ARAP1: variants seen among roughly 807,000 people sequenced by gnomAD.
ARAP1 encodes arf-GAP with Rho-GAP domain, ANK repeat and PH domain-containing protein 1.
In ARAP1, 76 loss-of-function variants were observed where a neutral mutation model predicts 172.2. That is an observed-to-expected ratio of 0.44 (90% CI 0.37 to 0.53). The LOEUF (loss-of-function observed/expected upper bound fraction) is 0.53. ARAP1 is among the 20% of genes least tolerant of loss of function. The pLI is 0.00. For missense variants in ARAP1, 1,686 were observed against 1,977.5 expected (o/e 0.85, Z 2.80); for synonymous variants, 804 against 803.3 (o/e 1.00, Z -0.01).
intron 3 of ARAP1, chr11:72,722,259 A>C: frequency 7.1e-6 from 7 of 985,534 alleles, no homozygotes; most frequent in Non-Finnish European, 8.4e-6. Flanking sequence ...GTCTGCACCC[A>C]GCTCTGGTCT....
At position 72,686,121 on chromosome 11, in the gene ARAP1, C is replaced by A; in HGVS notation, c.4256G>T (p.Ser1419Ile). 1.2e-6 allele frequency: 2 copies of A among 1,614,056 alleles called. No homozygotes were observed. The highest frequency in any genetic ancestry group is 1.7e-6 in the Non-Finnish European group (2 of 1,180,042). Residue 1419 changes from serine (S) to isoleucine (I), a missense_variant, in exon 34 of 35, where the codon AGT (serine) becomes ATT (isoleucine). Coordinates refer to ENST00000393609, the MANE Select transcript of ARAP1 (RefSeq NM_001040118.3). The stretch of plus-strand genomic sequence containing the variant: ...ACCTCGAAGGGGGATCAGTGACACA[C>A]TACCCAGCCGGACCTCAGGCACTGC... ...SRAVPEVRLGSVSLIPLRGSE... is the reference protein window; with the variant it reads ...SRAVPEVRLGIVSLIPLRGSE...
Position 72,686,028 on chromosome 11 carries a change from G to A in ARAP1, c.4335+14C>T. On this transcript the variant is annotated intron_variant, in intron 34 of 34. Coordinates refer to ENST00000393609, the MANE Select transcript of ARAP1 (RefSeq NM_001040118.3). ...CCCCCAGCCCCCTGCCCAAAGGCAT[G>A]GAGAGCCACTCACAGACAGAGGGTC... 6.2e-7 allele frequency: 1 copy of A among 1,613,986 alleles called. No homozygotes were observed. Among genetic ancestry groups the A allele is most frequent in the Non-Finnish European group, 8.5e-7 (1 of 1,180,010 alleles).
rs1012341871 is a variant in ARAP1, at chr11:72,702,789, A to G, written c.2167+116T>C. On this transcript the variant is annotated intron_variant, in intron 15 of 34. Coordinates refer to ENST00000393609, the MANE Select transcript of ARAP1 (RefSeq NM_001040118.3). ...CAAACCCAAGCACACCCCAGCTCAC[A>G]CATGATTTATCACAGGCCCTTGAGG... 7.6e-6 allele frequency: 10 copies of G among 1,323,428 alleles called. No homozygotes were observed. In the Admixed American group the frequency reaches 2.5e-4, roughly 33 times the overall value. The allele number at this position is 1,323,428 out of a possible 1,614,324, so 82.0% of individuals were successfully genotyped here. A position where few individuals can be genotyped will look rare whatever the true frequency, so the allele number is the denominator to read the frequency against.
chr11:72,686,354 C>T (rs566688352), intron 33 of ARAP1, among the ~76,000 whole-genome samples, 163 bp from the exon 34 acceptor site: 2 of 152,326 alleles, frequency 1.3e-5, no homozygotes, highest in Non-Finnish European at 2.9e-5. Context: ...GAGAACATGA[C>T]TGCATCTCTG....
chr11:72,701,519 C>A (rs945072356), intron 16 of ARAP1, 130 bp downstream of exon 16: 10 of 1,316,428 alleles, frequency 7.6e-6, no homozygotes, highest in Non-Finnish European at 1.0e-5. Flanking sequence ...CTGTGTACCA[C>A]AGACTATATC....
chr11:72,696,517 C>T (rs1334931484), intron 23 of ARAP1, 32 bp downstream of exon 23: 1 of 1,468,262 alleles, frequency 6.8e-7, no homozygotes, highest in Non-Finnish European at 9.1e-7. Flanking sequence ...CATCCCATCC[C>T]CCCAGAATCT....
intron 30 of ARAP1, chr11:72,688,768 G>A (rs896444619): frequency 2.6e-5 from 13 of 505,254 alleles, no homozygotes; most frequent in Middle Eastern, 5.3e-4. Context: ...GTATCAGACA[G>A]TCAACCCTCA....
At chr11:72,703,412 G>T (rs564957323) in intron 14 of ARAP1, 13 of 175,378 alleles carry the variant, frequency 7.4e-5, no homozygotes, top group Middle Eastern at 2.1e-3. Context: ...AGGAGCCGGG[G>T]GGGGGGTGTG....
rs1052924739 is a variant in ARAP1, at chr11:72,741,083, C to A, written c.-127-8486G>T. Reference sequence around the variant, plus strand: ...TATGCCCCTCTGGCCCCACCACATACCCCCGACCCCTAATGGGTCTGGGGA... The same window carrying A: ...TATGCCCCTCTGGCCCCACCACATAACCCCGACCCCTAATGGGTCTGGGGA... On this transcript the variant is annotated intron_variant, in intron 1 of 34. Coordinates refer to ENST00000393609, the MANE Select transcript of ARAP1 (RefSeq NM_001040118.3). The surrounding 1 kb of genome is among the most constrained non-coding windows in gnomAD (Gnocchi z 4.5). Among the ~76,000 whole-genome samples the A allele has an allele frequency of 2.6e-5, 4 of 151,862 alleles. No homozygotes were observed. Among genetic ancestry groups the A allele is most frequent in the Non-Finnish European group, 4.4e-5 (3 of 67,986 alleles).
At position 72,727,082 on chromosome 11, in the gene ARAP1, C is replaced by T. The variant is rs199940878; in HGVS notation, c.47G>A (p.Arg16Gln). Reference sequence around the variant, plus strand: ...CGTGTACTGCTCCAGGTGCAATGCCCGCAGCCACTCGGCCACCGATAGCGC... The same window carrying T: ...CGTGTACTGCTCCAGGTGCAATGCCTGCAGCCACTCGGCCACCGATAGCGC... ...DAALSVAEWL[R>Q]ALHLEQYTGL... Residue 16 changes from arginine to glutamine, a missense_variant, in exon 3 of 35, where the codon CGG (arginine) becomes CAG (glutamine). Around this residue, in one of 5 missense-constraint regions of ARAP1, gnomAD observed 190 missense variants for 228.6 expected, o/e 0.83. Transcript: ENST00000393609. The T allele has an allele frequency of 1.2e-3, 1,900 of 1,597,318 alleles. 2 individuals carry two copies. The highest frequency in any genetic ancestry group is 1.6e-3 in the Non-Finnish European group (1,848 of 1,167,886).
chr11:72,686,229 G>C (rs1855678586), intron 33 of ARAP1, 38 bp from the exon 34 acceptor site: 1 of 1,592,384 alleles, frequency 6.3e-7, no homozygotes, highest in Non-Finnish European at 8.6e-7. Flanking sequence ...CTCAGCTTCA[G>C]TTCACCCAGA....
intron 32 of ARAP1, 58 bp from the exon 33 acceptor site, chr11:72,687,560 C>T (rs1315218863): frequency 5.0e-6 from 8 of 1,612,966 alleles, no homozygotes; most frequent in East Asian, 4.5e-5. Flanking sequence ...CAGGGAACAC[C>T]GTGTCTGCCT....
chr11:72,736,419 T>A (rs1858027679), intron 1 of ARAP1, among the ~76,000 whole-genome samples: 1 of 151,938 alleles, frequency 6.6e-6, no homozygotes, highest in African/African-American at 2.4e-5. Context: ...ATTACTGAGC[T>A]TTTTGGTACC....
In ARAP1 at chr11:72,693,103, G is replaced by A; in HGVS notation, c.3954+222C>T. The A allele has an allele frequency of 1.5e-6, 1 of 685,000 alleles. No individual in the cohort carries two copies. The highest frequency in any genetic ancestry group is 2.4e-6 in the Non-Finnish European group (1 of 412,190). 42.4% of individuals were successfully genotyped at this position (685,000 alleles called of 1,614,324 possible). A position where few individuals can be genotyped will look rare whatever the true frequency, so the allele number is the denominator to read the frequency against. The stretch of plus-strand genomic sequence containing the variant: ...GAGCATGGGCATGGAGTGGTGTGAT[G>A]GCATCCGGGTGCCAGGGCTTAGTGG... On this transcript the variant is annotated intron_variant, in intron 29 of 34. Coordinates refer to ENST00000393609, the MANE Select transcript of ARAP1 (RefSeq NM_001040118.3). The surrounding 1 kb of genome is among the most constrained non-coding windows in gnomAD (Gnocchi z 4.6).
At chr11:72,748,865 A>T (rs1293188760) in intron 1 of ARAP1, among the ~76,000 whole-genome samples, 3 of 152,150 alleles carry the variant, frequency 2.0e-5, no homozygotes, top group Non-Finnish European at 2.9e-5. Flanking sequence ...AGCTGGGGAC[A>T]CTGGGGTTGA....
chr11:72,699,258 G>T lies in ARAP1; in HGVS notation c.2439-151C>A. 1 of 1,396,178 alleles carries T rather than the reference G, an allele frequency of 7.2e-7. No homozygotes were observed. The allele number at this position is 1,396,178 out of a possible 1,614,324, so 86.5% of individuals were successfully genotyped here. ...CCTAAGAGGTGGTGGAAAAGTCTTGGGCTGGGGCCTCAAGAGACTGGAGTC... is the reference window on the plus strand; with the variant it reads ...CCTAAGAGGTGGTGGAAAAGTCTTGTGCTGGGGCCTCAAGAGACTGGAGTC... On this transcript the variant is annotated intron_variant, in intron 17 of 34. Transcript: ENST00000393609. The surrounding 1 kb of genome is among the most constrained non-coding windows in gnomAD (Gnocchi z 4.2).
At chr11:72,703,390 T>G in intron 14 of ARAP1, 1 of 144,876 alleles carries the variant, frequency 6.9e-6, no homozygotes, top group Non-Finnish European at 1.3e-5. Flanking sequence ...TCAAGCTCCT[T>G]CTGCCTTGTG....
intron 11 of ARAP1, 158 bp downstream of exon 11, chr11:72,709,711 AG>A: frequency 1.4e-6 from 1 of 731,024 alleles, no homozygotes; most frequent in Admixed American, 2.0e-5. Flanking sequence ...GAGATCAGAG[AG>A]GGTTAGCAAG....
chr11:72,707,964 AC>A (rs1454785386), intron 11 of ARAP1, among the ~76,000 whole-genome samples: 1 of 151,984 alleles, frequency 6.6e-6, no homozygotes, highest in East Asian at 1.9e-4. Flanking sequence ...ATGCTCCATA[AC>A]CCCACTCCAC....
Sources: gnomAD v4.1 joint callset for allele counts (sites outside exome capture counted in the v4.1 genomes callset) on GRCh38, gnomAD v4.1.1 for gene constraint, gnomAD v4.1.1 regional missense constraint, Gnocchi (gnomAD v3.1) non-coding constraint, MANE v1.5 for transcripts, NCBI Gene and HGNC (gene_info 2026-07-23, HGNC 2026-07-21) for gene names.